ASAH2: variants seen among roughly 807,000 people sequenced by gnomAD.
ASAH2 encodes N-acylsphingosine amidohydrolase 2.
A neutral mutation model predicts 82.9 loss-of-function variants in ASAH2; 58 were observed. The ratio of observed to expected loss-of-function variants is 0.70; its 90% CI spans 0.57 to 0.87. The LOEUF is 0.87. Among genes scored for constraint, ASAH2 ranks in the 40% least tolerant of loss-of-function variants. ASAH2 has a pLI of 0.00. For missense variants in ASAH2, 779 were observed against 834.0 expected, an observed-to-expected ratio of 0.93 and a Z score of 0.81; for synonymous variants, 276 against 289.7, an observed-to-expected ratio of 0.95 and a Z score of 0.48.
Position 50,186,249 on chromosome 10 carries a change from CACTT to C in ASAH2, c.*1062_*1065del, listed in dbSNP as rs1169925797. On this transcript the variant is annotated 3_prime_UTR_variant, in exon 21 of 21. Coordinates refer to ENST00000682911, the MANE Select transcript of ASAH2 (RefSeq NM_019893.4). Reference sequence around the variant, plus strand: ...CTCCTTCATAATAGTTACCTTTTGACACTTACACATTCACCCCAAGTACAAATTC... The same window carrying C: ...CTCCTTCATAATAGTTACCTTTTGACACACATTCACCCCAAGTACAAATTC... 1.8e-4 allele frequency: 17 copies of C among 94,824 alleles called. No individual in the cohort carries two copies. In the East Asian group the frequency reaches 4.2e-3, roughly 24 times the overall value. The allele number at this position is 94,824 out of a possible 1,614,324, so 5.9% of individuals were successfully genotyped here.
intron 7 of ASAH2, among the ~76,000 whole-genome samples, chr10:50,219,970 A>G (rs985383722): frequency 8.5e-5 from 13 of 152,218 alleles, no homozygotes; most frequent in African/African-American, 3.1e-4. Context: ...AGGGGCCACA[A>G]ATCCATGTTT....
At chr10:50,209,241 A>G (rs1845388798) in intron 12 of ASAH2, among the ~76,000 whole-genome samples, 2 of 152,212 alleles carry the variant, frequency 1.3e-5, no homozygotes, top group Non-Finnish European at 2.9e-5. Context: ...AGATTCCTAT[A>G]TATGACACAA....
chr10:50,226,129 T>C (rs1174859292), intron 7 of ASAH2, among the ~76,000 whole-genome samples: 1 of 151,910 alleles, frequency 6.6e-6, no homozygotes, highest in East Asian at 1.9e-4. Context: ...TATTTTATGA[T>C]GGAAAACACT....
In ASAH2 at chr10:50,243,261, T is replaced by C. The variant is rs752523009; in HGVS notation, c.451A>G (p.Asn151Asp). 1.2e-6 allele frequency: 2 copies of C among 1,614,132 alleles called. No homozygotes were observed. The highest frequency in any genetic ancestry group is 1.7e-6 in the Non-Finnish European group (2 of 1,179,978). The change falls in exon 4 of 21, where the codon AAT (asparagine) becomes GAT (aspartate). Residue 151 changes from asparagine to aspartate, a missense_variant. Asn to Asp is a conservative substitution (Grantham distance 23). This residue lies in a region of ASAH2 where 759 missense variants were observed against 755.2 expected (regional missense o/e 1.00). Transcript: ENST00000682911. ...AFIMAEPDGS[N>D]RTVFVSIDIG... The stretch of plus-strand genomic sequence containing the variant: ...TCGATGCTGACAAACACTGTTCGAT[T>C]GGACCCATCAGGTTCTGCCATGATG...
At chr10:50,196,455 T>C (rs1287343439) in intron 18 of ASAH2, among the ~76,000 whole-genome samples, 2 of 150,370 alleles carry the variant, frequency 1.3e-5, no homozygotes, top group Non-Finnish European at 3.0e-5. Flanking sequence ...AAAATAGTAA[T>C]GGTACAAATT....
chr10:50,249,107 A>T (rs373359883), intron 1 of ASAH2, among the ~76,000 whole-genome samples: 10 of 152,302 alleles, frequency 6.6e-5, no homozygotes, highest in South Asian at 4.1e-4. Flanking sequence ...GTGGTCATGG[A>T]CTTAGTAGAA....
intron 10 of ASAH2, among the ~76,000 whole-genome samples, chr10:50,212,623 T>C (rs1184131681): frequency 2.0e-5 from 3 of 152,292 alleles, no homozygotes; most frequent in African/African-American, 7.2e-5. Flanking sequence ...CTTCTGAGAA[T>C]TTGAATCAAT....
chr10:50,218,718 G>C (rs1446044614), intron 7 of ASAH2, 88 bp from the exon 8 acceptor site: 1 of 1,485,434 alleles, frequency 6.7e-7, no homozygotes, highest in Non-Finnish European at 9.4e-7. Flanking sequence ...GTTTTCTCCA[G>C]CAGGAAAAAA....
chr10:50,212,799 G>A (rs1322250226), intron 10 of ASAH2, among the ~76,000 whole-genome samples, 173 bp downstream of exon 10: 1 of 152,146 alleles, frequency 6.6e-6, no homozygotes, highest in Non-Finnish European at 1.5e-5. Flanking sequence ...GTCAGACAGA[G>A]GTTCCCATGT....
At position 50,234,361 on chromosome 10, in the gene ASAH2, C is replaced by T. The variant is rs1846092989; in HGVS notation, c.815+64G>A. ...ATATTCATCAAGTAACAGCCCTGTA[C>T]TTAGATTTTGTTGCTGTTCCCTAAA... On this transcript the variant is annotated intron_variant, in intron 6 of 20. Coordinates refer to ENST00000682911, the MANE Select transcript of ASAH2 (RefSeq NM_019893.4). 9.9e-6 allele frequency: 16 copies of T among 1,609,120 alleles called. No homozygotes were observed. In the South Asian group the frequency reaches 1.8e-4, roughly 18 times the overall value.
chr10:50,223,964 A>G (rs1845814012), intron 7 of ASAH2, among the ~76,000 whole-genome samples: 1 of 152,150 alleles, frequency 6.6e-6, no homozygotes, highest in Non-Finnish European at 1.5e-5. Context: ...CAACCCTGCT[A>G]ATGCCTTGAA....
intron 7 of ASAH2, among the ~76,000 whole-genome samples, chr10:50,220,821 T>G (rs1589339931): frequency 7.3e-6 from 1 of 137,880 alleles, no homozygotes; most frequent in Non-Finnish European, 1.5e-5. Flanking sequence ...GGTATTTGCT[T>G]TCAAATACTC....
At chr10:50,238,063 A>G (rs1846203385) in intron 4 of ASAH2, among the ~76,000 whole-genome samples, 2 of 152,202 alleles carry the variant, frequency 1.3e-5, no homozygotes, top group African/African-American at 4.8e-5. Flanking sequence ...ATACAATAAA[A>G]TTAAAAGCCC....
chr10:50,205,726 T>G (rs2133202790), intron 13 of ASAH2, among the ~76,000 whole-genome samples: 1 of 152,124 alleles, frequency 6.6e-6, no homozygotes, highest in East Asian at 1.9e-4. Context: ...TAAATGTTCA[T>G]CTTATTCTGC....
rs997818775 is a variant in ASAH2 at position 50,243,303 on chromosome 10, G to T, written c.409C>A (p.Leu137Ile). The change falls in exon 4 of 21, where the codon CTA becomes ATA. Residue 137 changes from leucine to isoleucine, a missense_variant. Leu to Ile is a conservative substitution (Grantham distance 5). Around this residue, in one of 3 missense-constraint regions of ASAH2, gnomAD observed 759 missense variants for 755.2 expected, o/e 1.00. Coordinates refer to ENST00000682911, the MANE Select transcript of ASAH2 (RefSeq NM_019893.4). The stretch of plus-strand genomic sequence containing the variant: ...GCCATGATGAAGGCACGACTGTATA[G>T]CCTGGTGAGGATGCCCTGTGCATTC... ...GQNAQGILTR[L>I]YSRAFIMAEP... 1.2e-6 allele frequency: 2 copies of T among 1,614,138 alleles called. No individual in the cohort carries two copies. The highest frequency in any genetic ancestry group is 3.3e-5 in the Admixed American group (2 of 60,018).
chr10:50,209,565 T>A (rs1327046928), intron 12 of ASAH2, among the ~76,000 whole-genome samples: 15 of 152,126 alleles, frequency 9.9e-5, no homozygotes, highest in Non-Finnish European at 1.6e-4. Context: ...ACCAGGGTGG[T>A]CTCAATTTCC....
intron 16 of ASAH2, among the ~76,000 whole-genome samples, chr10:50,202,037 G>T (rs941926083): frequency 6.6e-6 from 1 of 152,018 alleles, no homozygotes. Context: ...GTGAAGAAAG[G>T]ATGTAATTCT....
At chr10:50,234,391 A>T in intron 6 of ASAH2, 34 bp downstream of exon 6, 1 of 1,612,598 alleles carries the variant, frequency 6.2e-7, no homozygotes, top group Non-Finnish European at 8.5e-7. Context: ...CCTAAAGGGA[A>T]TGAAACGATT....
chr10:50,214,630 A>G (rs1477213281), intron 9 of ASAH2, 113 bp downstream of exon 9: 1 of 1,313,204 alleles, frequency 7.6e-7, no homozygotes. Flanking sequence ...GCTAGGGAGA[A>G]CTAGGCCAGT....
Sources: gnomAD v4.1 joint callset for allele counts (sites outside exome capture counted in the v4.1 genomes callset) on GRCh38, gnomAD v4.1.1 for gene constraint, gnomAD v4.1.1 regional missense constraint, MANE v1.5 for transcripts, NCBI Gene and HGNC (gene_info 2026-07-23, HGNC 2026-07-21) for gene names.